RBPMS2: variants seen among roughly 807,000 people sequenced by gnomAD.
RBPMS2 encodes RNA binding protein, mRNA processing factor 2.
RBPMS2 carries 14 observed loss-of-function variants against 25.7 expected under a neutral mutation model. The observed-to-expected ratio is 0.55, with a 90% CI of 0.36 to 0.85. The LOEUF (loss-of-function observed/expected upper bound fraction) is 0.85. Among genes scored for constraint, RBPMS2 ranks in the 40% least tolerant of loss-of-function variants. The pLI is 0.01. For missense variants in RBPMS2, 252 were observed against 283.4 expected (o/e 0.89, Z 0.80); for synonymous variants, 127 against 115.6 (o/e 1.10, Z -0.63).
chr15:64,765,226 C>CAAAA (rs34231406), intron 1 of RBPMS2, among the ~76,000 whole-genome samples: 4 of 50,902 alleles, frequency 7.9e-5, no homozygotes, highest in Non-Finnish European at 9.5e-5. Flanking sequence ...GACTCTGTCT[C>CAAAA]AAAAAAAAAA....
chr15:64,759,011 G>A (rs1047128584), intron 1 of RBPMS2, among the ~76,000 whole-genome samples: 3 of 151,684 alleles, frequency 2.0e-5, no homozygotes, highest in African/African-American at 7.3e-5. Flanking sequence ...GGCTGGTCTC[G>A]AACTCTTGGG....
At chr15:64,764,438 G>A (rs886169182) in intron 1 of RBPMS2, among the ~76,000 whole-genome samples, 3 of 152,168 alleles carry the variant, frequency 2.0e-5, no homozygotes, top group East Asian at 1.9e-4. Context: ...ATTACTTGAC[G>A]GAGGCGAATG....
At chr15:64,755,325 G>C (rs1354257915) in intron 1 of RBPMS2, among the ~76,000 whole-genome samples, 3 of 152,142 alleles carry the variant, frequency 2.0e-5, no homozygotes, top group Non-Finnish European at 4.4e-5. Context: ...AGTCACGGAT[G>C]AGCTGGTGGG....
intron 1 of RBPMS2, among the ~76,000 whole-genome samples, chr15:64,761,457 G>A (rs1406374418): frequency 4.6e-5 from 7 of 152,330 alleles, no homozygotes; most frequent in Middle Eastern, 3.4e-3. Flanking sequence ...CCCAGCTCAC[G>A]AGTCAATGCT....
intron 1 of RBPMS2, among the ~76,000 whole-genome samples, chr15:64,757,434 TA>T (rs1361312472): frequency 6.6e-6 from 1 of 152,182 alleles, no homozygotes; most frequent in Non-Finnish European, 1.5e-5. Context: ...AGCCACTTAT[TA>T]AGGTTGTCTA....
At chr15:64,751,183 A>G (rs2083675530) in intron 2 of RBPMS2, among the ~76,000 whole-genome samples, 1 of 151,722 alleles carries the variant, frequency 6.6e-6, no homozygotes, top group Non-Finnish European at 1.5e-5. Flanking sequence ...AAACACAAAT[A>G]TTAGCCGGGC....
chr15:64,742,389 T>C (rs1046731563), intron 6 of RBPMS2, among the ~76,000 whole-genome samples: 14 of 152,144 alleles, frequency 9.2e-5, no homozygotes, highest in African/African-American at 3.4e-4. Flanking sequence ...TCTGAGATCA[T>C]CCTCACCAGT....
In RBPMS2 at chr15:64,741,391, A is replaced by G. The variant is rs2083561270; in HGVS notation, c.568-149T>C. The G allele has an allele frequency of 6.4e-5, 41 of 645,314 alleles. No homozygotes were observed. In the South Asian group the frequency reaches 7.4e-4, roughly 12 times the overall value. The allele number at this position is 645,314 out of a possible 1,614,324, so 40.0% of individuals were successfully genotyped here. ...TTGGGCCAGTTACTCACCTTTAAGC[A>G]TCAGTTTCTCTATCCGGCAAGTGGG... is the stretch of plus-strand genomic sequence containing the variant. On this transcript the variant is annotated intron_variant, in intron 6 of 7. Coordinates refer to ENST00000300069, the MANE Select transcript of RBPMS2 (RefSeq NM_194272.3).
Position 64,754,903 on chromosome 15 carries a change from C to T in RBPMS2, c.88-3265G>A, listed in dbSNP as rs547446385. Among the ~76,000 whole-genome samples the T allele has an allele frequency of 4.6e-5, 7 of 152,256 alleles. No homozygotes were observed. In the South Asian group the frequency reaches 1.2e-3, roughly 27 times the overall value. ...AGCGTCCTGATGGAGGGACCTAGAT[C>T]GGTACCACTCCCTTCTCTCCTCCCC... On this transcript the variant is annotated intron_variant, in intron 1 of 7. Transcript: ENST00000300069.
At chr15:64,760,116 C>G (rs2083770182) in intron 1 of RBPMS2, among the ~76,000 whole-genome samples, 1 of 152,224 alleles carries the variant, frequency 6.6e-6, no homozygotes, top group Admixed American at 6.5e-5. Context: ...CCAGGGCACA[C>G]ACAGGGCCCA....
intron 5 of RBPMS2, among the ~76,000 whole-genome samples, 154 bp from the exon 6 acceptor site, chr15:64,748,721 C>T (rs1039107797): frequency 1.3e-5 from 2 of 152,042 alleles, no homozygotes; most frequent in African/African-American, 2.4e-5. Context: ...AAGGAAGCCA[C>T]GTTAAATCGG....
intron 2 of RBPMS2, among the ~76,000 whole-genome samples, chr15:64,751,187 G>C (rs991142972): frequency 2.0e-5 from 3 of 151,944 alleles, no homozygotes; most frequent in African/African-American, 4.8e-5. Flanking sequence ...ACAAATATTA[G>C]CCGGGCATAA....
chr15:64,764,760 A>T (rs8035677), intron 1 of RBPMS2, among the ~76,000 whole-genome samples: 9 of 147,738 alleles, frequency 6.1e-5, no homozygotes, highest in Non-Finnish European at 1.3e-4. Context: ...CTAAAAAAGT[A>T]AAAAAAAATT....
At chr15:64,766,306 C>T (rs1166203638) in intron 1 of RBPMS2, among the ~76,000 whole-genome samples, 2 of 152,150 alleles carry the variant, frequency 1.3e-5, no homozygotes, top group South Asian at 2.1e-4. Context: ...AGGCCTCCAA[C>T]GCTGATACAG....
At chr15:64,755,120 G>A (rs2083721171) in intron 1 of RBPMS2, among the ~76,000 whole-genome samples, 2 of 152,182 alleles carry the variant, frequency 1.3e-5, no homozygotes, top group Admixed American at 6.5e-5. Context: ...TCAGCACAGA[G>A]TTTCCGCTTG....
chr15:64,744,798 G>GTTT lies in RBPMS2; in HGVS notation c.568-3559_568-3557dup, dbSNP rs748967917. Among the ~76,000 whole-genome samples, 29 of 46,272 alleles carry GTTT rather than the reference G, an allele frequency of 6.3e-4. 3 individuals carry two copies. Among genetic ancestry groups the GTTT allele is most frequent in the East Asian group, 2.6e-3 (3 of 1,150 alleles). The allele number at this position is 46,272 out of a possible 152,430, so 30.4% of individuals were successfully genotyped here. On this transcript the variant is annotated intron_variant, in intron 6 of 7. Transcript: ENST00000300069. ...TATTTAAGTTTTTTTGGTTTGTTTTGTTTTTTTTTTTTTTTTTTTTTTTTT... is the reference window on the plus strand; with the variant it reads ...TATTTAAGTTTTTTTGGTTTGTTTTGTTTTTTTTTTTTTTTTTTTTTTTTTTTT...
intron 1 of RBPMS2, 125 bp downstream of exon 1, chr15:64,775,108 G>C (rs2141084086): frequency 2.4e-6 from 1 of 424,670 alleles, no homozygotes; most frequent in African/African-American, 2.1e-5. Flanking sequence ...CGAGAGGGCA[G>C]CGGCGGGAAG....
chr15:64,742,694 G>A (rs890555964), intron 6 of RBPMS2, among the ~76,000 whole-genome samples: 1 of 152,214 alleles, frequency 6.6e-6, no homozygotes, highest in Non-Finnish European at 1.5e-5. Context: ...CATCCAGGGA[G>A]GGGAGCTGGA....
At chr15:64,771,716 T>C (rs745307421) in intron 1 of RBPMS2, among the ~76,000 whole-genome samples, 3 of 151,656 alleles carry the variant, frequency 2.0e-5, no homozygotes, top group South Asian at 4.2e-4. Flanking sequence ...TCCCAGCACT[T>C]TGGGAGACTG....
Sources: gnomAD v4.1 joint callset for allele counts (sites outside exome capture counted in the v4.1 genomes callset) on GRCh38, gnomAD v4.1.1 for gene constraint, MANE v1.5 for transcripts, NCBI Gene and HGNC (gene_info 2026-07-23, HGNC 2026-07-21) for gene names.